CAMK2G: variants seen among roughly 807,000 people sequenced by gnomAD.
The protein encoded by CAMK2G is calcium/calmodulin dependent protein kinase II gamma.
Under a neutral mutation model 88.7 loss-of-function variants are expected in CAMK2G, and 23 were observed. That is an observed-to-expected ratio of 0.26 (90% CI 0.19 to 0.37). The LOEUF is 0.37. Among genes scored for constraint, CAMK2G ranks in the 10% least tolerant of loss-of-function variants. The pLI, the probability that CAMK2G is intolerant of heterozygous loss-of-function variation, is 1.00. For synonymous variants in CAMK2G, 263 were observed against 294.8 expected (o/e 0.89, Z 1.11); for missense variants, 476 against 780.8 (o/e 0.61, Z 4.65).
At chr10:73,831,534 T>TAA (rs985986206) in intron 14 of CAMK2G, among the ~76,000 whole-genome samples, 23 of 54,608 alleles carry the variant, frequency 4.2e-4, no homozygotes, top group South Asian at 1.2e-3. Flanking sequence ...AGACTCCGTC[T>TAA]AAAAAAAAAA....
intron 3 of CAMK2G, among the ~76,000 whole-genome samples, chr10:73,855,992 T>C (rs2095002746): frequency 6.6e-6 from 1 of 152,136 alleles, no homozygotes; most frequent in African/African-American, 2.4e-5. Flanking sequence ...CAGGCTGGGC[T>C]GGAGATCCTG....
rs1420012050 is a variant in CAMK2G at position 73,839,810 on chromosome 10, A to G, written c.947-209T>C. ...TGGGAAGACCGGGCTGGGCCAGGGC[A>G]TAGGGAACACTGCGTCCCCACCAGA... On this transcript the variant is annotated intron_variant, in intron 12 of 22. Coordinates refer to ENST00000423381, the MANE Select transcript of CAMK2G (RefSeq NM_001367534.1). The surrounding 1 kb of genome is among the most constrained non-coding windows in gnomAD (Gnocchi z 4.2). 6.6e-6 allele frequency among the ~76,000 whole-genome samples: 1 copy of G among 152,180 alleles called. No individual in the cohort carries two copies. The highest frequency in any genetic ancestry group is 2.4e-5 in the African/African-American group (1 of 41,434).
intron 15 of CAMK2G, among the ~76,000 whole-genome samples, chr10:73,827,064 G>A (rs1387416307): frequency 6.6e-6 from 1 of 152,152 alleles, no homozygotes; most frequent in Non-Finnish European, 1.5e-5. Flanking sequence ...GTTCGGGGTT[G>A]GTTAGAGAGG....
chr10:73,846,350 AC>A (rs1445314482), intron 10 of CAMK2G: 1 of 152,096 alleles, frequency 6.6e-6, no homozygotes, highest in East Asian at 1.9e-4. Flanking sequence ...CGTTCTGAGG[AC>A]CTCGTTATTT....
chr10:73,862,471 C>T (rs750519746), intron 2 of CAMK2G, among the ~76,000 whole-genome samples: 11 of 152,222 alleles, frequency 7.2e-5, no homozygotes, highest in East Asian at 1.9e-4. Context: ...TAACAGTAGT[C>T]GCCATAACAA....
chr10:73,858,920 C>A (rs1447257185), intron 3 of CAMK2G, among the ~76,000 whole-genome samples: 2 of 152,248 alleles, frequency 1.3e-5, no homozygotes, highest in Non-Finnish European at 2.9e-5. Context: ...CGTGGTCAAC[C>A]CGCCCATGGT....
intron 20 of CAMK2G, among the ~76,000 whole-genome samples, 161 bp downstream of exon 20, chr10:73,817,318 G>A (rs1389744179): frequency 6.6e-6 from 1 of 152,208 alleles, no homozygotes; most frequent in Non-Finnish European, 1.5e-5. Flanking sequence ...GGTGAGCTCA[G>A]GGAATCTACC....
chr10:73,851,309 C>T (rs542776055), intron 5 of CAMK2G, among the ~76,000 whole-genome samples: 64 of 152,186 alleles, frequency 4.2e-4, no homozygotes, highest in Admixed American at 1.1e-3. Flanking sequence ...AGAGCCAAGG[C>T]GGGAAAGGCA....
Position 73,817,492 on chromosome 10 carries a change from A to T in CAMK2G, c.1426T>A (p.Phe476Ile). The change falls in exon 20 of 23, where the codon TTT (phenylalanine) becomes ATT (isoleucine). Residue 476 changes from phenylalanine to isoleucine, a missense_variant. Coordinates refer to ENST00000423381, the MANE Select transcript of CAMK2G (RefSeq NM_001367534.1). ...GTCTCTACTTACGTGTAGGCCTCAA[A>T]GTCCCCATTGTTGATGGCTTCAATC... ...QLIEAINNGDFEAYTKICDPG... is the reference protein window; with the variant it reads ...QLIEAINNGDIEAYTKICDPG... 1 of 1,610,870 alleles carries T rather than the reference A, an allele frequency of 6.2e-7. No homozygotes were observed. Among genetic ancestry groups the T allele is most frequent in the East Asian group, 2.2e-5 (1 of 44,862 alleles).
At position 73,815,014 on chromosome 10, in the gene CAMK2G, C is replaced by T; in HGVS notation, c.*1G>A. On this transcript the variant is annotated 3_prime_UTR_variant, in exon 22 of 23. Transcript: ENST00000423381. ...TCAACCAGGTGCACCTGTGGCTGAGCTCACTGCAGCGGTGCGGCAGGGGCC... is the reference window on the plus strand; with the variant it reads ...TCAACCAGGTGCACCTGTGGCTGAGTTCACTGCAGCGGTGCGGCAGGGGCC... The T allele has an allele frequency of 6.2e-7, 1 of 1,607,360 alleles. No homozygotes were observed. Among genetic ancestry groups the T allele is most frequent in the Non-Finnish European group, 8.5e-7 (1 of 1,174,700 alleles).
chr10:73,826,873 C>T (rs914365885), intron 15 of CAMK2G, among the ~76,000 whole-genome samples: 1 of 152,204 alleles, frequency 6.6e-6, no homozygotes, highest in East Asian at 1.9e-4. Flanking sequence ...CAGGGCTAGG[C>T]ATGGAACCTC....
Position 73,842,474 on chromosome 10 carries a change from G to T in CAMK2G, c.887C>A (p.Ala296Asp). The change falls in exon 11 of 23, where the codon GCC (alanine) becomes GAC (aspartate). Residue 296 changes from alanine (A) to aspartate (D), a missense_variant. Ala to Asp is a moderately radical substitution (Grantham distance 126). Transcript: ENST00000423381. This position sits in a 1 kb window ranked among gnomAD's most constrained non-coding sequence, Gnocchi z 4.6. ...GACACTCACCTTCAGTTTTCTCCGG[G>T]CATTGAACTTGCGCAAACACTCCAC... ...ETVECLRKFN[A>D]RRKLKGAILT... The T allele has an allele frequency of 6.2e-7, 1 of 1,612,686 alleles. No homozygotes were observed. Among genetic ancestry groups the T allele is most frequent in the Non-Finnish European group, 8.5e-7 (1 of 1,178,638 alleles).
intron 2 of CAMK2G, among the ~76,000 whole-genome samples, chr10:73,869,585 C>A (rs1387424272): frequency 6.6e-6 from 1 of 152,206 alleles, no homozygotes; most frequent in Non-Finnish European, 1.5e-5. Flanking sequence ...GTTACATAGT[C>A]CTCTTGACCC....
Position 73,820,464 on chromosome 10 carries a change from TTATA to T in CAMK2G, c.1250-823_1250-820del, listed in dbSNP as rs71483976. Reference sequence around the variant, plus strand: ...TCCCAGGACTATCTGGGTTTTATATTTATATATATATATATATATATATATATAT... The same window carrying T: ...TCCCAGGACTATCTGGGTTTTATATTTATATATATATATATATATATATAT... On this transcript the variant is annotated intron_variant, in intron 18 of 22. Coordinates refer to ENST00000423381, the MANE Select transcript of CAMK2G (RefSeq NM_001367534.1). Among the ~76,000 whole-genome samples, 268 of 73,932 alleles carry T rather than the reference TTATA, an allele frequency of 3.6e-3. 2 individuals are homozygous for T. Among genetic ancestry groups the T allele is most frequent in the Middle Eastern group, 0.023 (3 of 132 alleles). 48.5% of individuals were successfully genotyped at this position (73,932 alleles called of 152,430 possible).
intron 13 of CAMK2G, among the ~76,000 whole-genome samples, chr10:73,838,971 T>TA (rs1273970248): frequency 6.6e-6 from 1 of 152,156 alleles, no homozygotes; most frequent in Non-Finnish European, 1.5e-5. Flanking sequence ...CCATGTTATT[T>TA]ATCATCCCCA....
chr10:73,862,660 G>A (rs1159728431), intron 2 of CAMK2G, among the ~76,000 whole-genome samples: 1 of 152,216 alleles, frequency 6.6e-6, no homozygotes, highest in Non-Finnish European at 1.5e-5. Context: ...CAGGTGGTCT[G>A]AGCCTAGAGC....
At chr10:73,847,785 A>G (rs1357070852) in intron 9 of CAMK2G, among the ~76,000 whole-genome samples, 1 of 152,178 alleles carries the variant, frequency 6.6e-6, no homozygotes, top group Non-Finnish European at 1.5e-5. Context: ...TTTAGTTATG[A>G]AGAAGGCTGT....
Position 73,819,558 on chromosome 10 carries a change from G to A in CAMK2G, c.1337C>T (p.Pro446Leu). Reference protein sequence around the residue: ...DRTAPSAGMQPQPSLCSSAMR... With the variant: ...DRTAPSAGMQLQPSLCSSAMR... ...GGCTGAGGAGCAGAGAGAAGGCTGG[G>A]GCTGCATGCCTGCAGAGGGGGCTGT... Residue 446 changes from proline to leucine, a missense_variant, in exon 19 of 23, where the codon CCC (proline) becomes CTC (leucine). Pro to Leu is a moderately conservative substitution (Grantham distance 98). Transcript: ENST00000423381. The A allele has an allele frequency of 6.5e-7, 1 of 1,549,374 alleles. No individual in the cohort carries two copies. The highest frequency in any genetic ancestry group is 1.4e-5 in the African/African-American group (1 of 73,146).
chr10:73,832,255 ATATCT>A (rs958965417), intron 14 of CAMK2G, among the ~76,000 whole-genome samples: 1 of 152,142 alleles, frequency 6.6e-6, no homozygotes, highest in Non-Finnish European at 1.5e-5. Flanking sequence ...TACTGAATAA[ATATCT>A]ACAAACACGT....
Sources: gnomAD v4.1 joint callset for allele counts (sites outside exome capture counted in the v4.1 genomes callset) on GRCh38, gnomAD v4.1.1 for gene constraint, Gnocchi (gnomAD v3.1) non-coding constraint, MANE v1.5 for transcripts, NCBI Gene and HGNC (gene_info 2026-07-23, HGNC 2026-07-21) for gene names.